Variants in CELF2 observed in about 807,000 individuals in gnomAD.
CELF2 encodes CUG triplet repeat RNA-binding protein 2.
A neutral mutation model predicts 62.6 loss-of-function variants in CELF2; 8 were observed. That is an observed-to-expected ratio of 0.13 (90% CI 0.07 to 0.23). The LOEUF (loss-of-function observed/expected upper bound fraction) is 0.23, where lower values mean the gene tolerates loss of function less well. Ranked by LOEUF, CELF2 falls within the 10% of genes least tolerant of loss-of-function variation. The pLI, the probability that CELF2 is intolerant of heterozygous loss-of-function variation, is 1.00. For synonymous variants in CELF2, 258 were observed against 250.0 expected (o/e 1.03, Z -0.30); for missense variants, 333 against 671.0 (o/e 0.50, Z 5.56).
the CELF2 span, among the ~76,000 whole-genome samples, chr10:10,784,222 C>G: frequency 6.6e-6 from 1 of 152,196 alleles, no homozygotes; most frequent in Non-Finnish European, 1.5e-5. Flanking sequence ...GGGGAGCACA[C>G]AGATGGGCAG....
rs559547958 is a variant in CELF2 at position 11,155,880 on chromosome 10, A to G, written c.75-9606A>G. Among the ~76,000 whole-genome samples, 9 of 152,356 alleles carry G rather than the reference A, an allele frequency of 5.9e-5. No homozygotes were observed. The South Asian group carries it at 1.7e-3, about 28-fold the overall frequency. On this transcript the variant is annotated intron_variant, in intron 1 of 12. Coordinates refer to ENST00000633077, the MANE Select transcript of CELF2 (RefSeq NM_001326342.2). ...CATTTCAGTTGTATTCCTTGATTAC[A>G]CATCATTTACGACTGAGAAAGGTAG... is the stretch of plus-strand genomic sequence containing the variant.
the CELF2 span, among the ~76,000 whole-genome samples, chr10:10,641,819 A>C: frequency 6.6e-6 from 1 of 152,288 alleles, no homozygotes; most frequent in East Asian, 1.9e-4. Context: ...CTCACACCCC[A>C]TCATGTTTAA....
chr10:10,890,639 C>G (rs2062067802), intron 1 of CELF2, among the ~76,000 whole-genome samples: 1 of 152,208 alleles, frequency 6.6e-6, no homozygotes. Context: ...AGAGGTGAAG[C>G]TGGTTTTAGT....
chr10:10,668,227 C>T, the CELF2 span, among the ~76,000 whole-genome samples: 29,239 of 152,108 alleles, frequency 0.19, 3,230 homozygotes, highest in South Asian at 0.41. Context: ...TGTAATCATC[C>T]GTGAAATCAT....
chr10:11,197,793 A>G (rs1296841987), intron 2 of CELF2, among the ~76,000 whole-genome samples: 1 of 152,252 alleles, frequency 6.6e-6, no homozygotes, highest in Non-Finnish European at 1.5e-5. Context: ...TTAGTGTGCT[A>G]GTATATATTT....
intron 1 of CELF2, among the ~76,000 whole-genome samples, chr10:11,081,201 T>C (rs2773487): frequency 0.67 from 101,321 of 152,128 alleles, 35,104 homozygotes; most frequent in African/African-American, 0.86. Context: ...CATGTTCTCA[T>C]GTTAATAGCA....
chr10:10,602,606 T>C, the CELF2 span, among the ~76,000 whole-genome samples: 2 of 152,164 alleles, frequency 1.3e-5, no homozygotes, highest in Non-Finnish European at 2.9e-5. Context: ...GACGTGGTGA[T>C]CAGATGTTTT....
intron 3 of CELF2, among the ~76,000 whole-genome samples, chr10:11,236,472 G>T (rs888065704): frequency 1.3e-5 from 2 of 152,208 alleles, no homozygotes; most frequent in Non-Finnish European, 2.9e-5. Flanking sequence ...TTAGAGGGTA[G>T]TGTTGTTTTA....
chr10:10,732,159 G>A, the CELF2 span, among the ~76,000 whole-genome samples: 1 of 152,178 alleles, frequency 6.6e-6, no homozygotes, highest in Non-Finnish European at 1.5e-5. Flanking sequence ...TTGGCAGGGA[G>A]GGCTAGGGAC....
the CELF2 span, among the ~76,000 whole-genome samples, chr10:10,509,643 A>G: frequency 2.0e-5 from 3 of 152,352 alleles, no homozygotes; most frequent in African/African-American, 7.2e-5. Flanking sequence ...AATAAATCCC[A>G]GCCTGCCCCA....
At chr10:11,057,680 T>C (rs2065632146) in intron 1 of CELF2, among the ~76,000 whole-genome samples, 5 of 152,196 alleles carry the variant, frequency 3.3e-5, no homozygotes, top group Admixed American at 3.3e-4. Flanking sequence ...TGAAGCTGGC[T>C]TTTTAAGCAT....
chr10:10,671,954 G>A, the CELF2 span, among the ~76,000 whole-genome samples: 19 of 152,000 alleles, frequency 1.3e-4, no homozygotes, highest in Middle Eastern at 3.4e-3. Context: ...GGTCTTGAAC[G>A]CCTGACCTCA....
chr10:10,480,322 C>T, the CELF2 span, among the ~76,000 whole-genome samples: 1 of 152,150 alleles, frequency 6.6e-6, no homozygotes, highest in African/African-American at 2.4e-5. Flanking sequence ...CAGTGGATCC[C>T]CCTTAACTTA....
At chr10:11,181,565 TA>T (rs1401353260) in intron 2 of CELF2, among the ~76,000 whole-genome samples, 2 of 152,248 alleles carry the variant, frequency 1.3e-5, no homozygotes, top group East Asian at 3.8e-4. Flanking sequence ...ATCCAGTGCA[TA>T]TGCCATTGCA....
At chr10:10,736,522 G>C in the CELF2 span, among the ~76,000 whole-genome samples, 1 of 151,098 alleles carries the variant, frequency 6.6e-6, no homozygotes, top group Non-Finnish European at 1.5e-5. Flanking sequence ...CCTGTATGTT[G>C]TTATGAACGA....
the CELF2 span, among the ~76,000 whole-genome samples, chr10:10,722,157 G>T: frequency 6.6e-6 from 1 of 151,734 alleles, no homozygotes; most frequent in South Asian, 2.1e-4. Context: ...AAATAAAAGA[G>T]CCAGGCCTGG....
chr10:10,639,875 T>A, the CELF2 span, among the ~76,000 whole-genome samples: 1 of 152,188 alleles, frequency 6.6e-6, no homozygotes, highest in Non-Finnish European at 1.5e-5. Context: ...GAAATTCACA[T>A]GGCCAGCACC....
chr10:10,964,224 AG>A (rs2049873698), intron 2 of CELF2, among the ~76,000 whole-genome samples: 1 of 152,142 alleles, frequency 6.6e-6, no homozygotes, highest in African/African-American at 2.4e-5. Flanking sequence ...TCTTTTTCTC[AG>A]GCTCCCCTTT....
rs555356301 is a variant in CELF2 at position 11,128,074 on chromosome 10, G to T, written c.75-37412G>T. Among the ~76,000 whole-genome samples, 3 of 152,286 alleles carry T rather than the reference G, an allele frequency of 2.0e-5. 1 individual carries two copies. The South Asian group carries it at 6.2e-4, about 32-fold the overall frequency. On this transcript the variant is annotated intron_variant, in intron 1 of 12. Coordinates refer to ENST00000633077, the MANE Select transcript of CELF2 (RefSeq NM_001326342.2). ...ATTTTTGTATAAGTTGTAAGGATGG[G>T]ATCCAGTTTCAGCTTTCTACATATG...
Sources: allele counts gnomAD v4.1 joint callset (sites outside exome capture counted in the v4.1 genomes callset), GRCh38; gene constraint gnomAD v4.1.1; transcripts MANE v1.5; gene names NCBI Gene and HGNC (gene_info 2026-07-23, HGNC 2026-07-21).